The following RFTN1 variants were observed in gnomAD, a reference collection of about 807,000 sequenced individuals.
The protein encoded by RFTN1 is raftlin.
Under a neutral mutation model 46.5 loss-of-function variants are expected in RFTN1, and 26 were observed. The observed-to-expected ratio is 0.56, with a 90% CI of 0.41 to 0.78. RFTN1 has a LOEUF of 0.78. Ranked by LOEUF, RFTN1 falls within the 30% of genes least tolerant of loss-of-function variation. RFTN1 has a pLI of 0.00. For synonymous variants in RFTN1, 261 were observed against 284.2 expected (o/e 0.92, Z 0.82); for missense variants, 693 against 718.7 (o/e 0.96, Z 0.41).
At position 16,433,087 on chromosome 3, in the gene RFTN1, T is replaced by C. The variant is rs2125493564; in HGVS notation, c.332+764A>G. Among the ~76,000 whole-genome samples, 2 of 152,290 alleles carry C rather than the reference T, an allele frequency of 1.3e-5. No homozygotes were observed. The highest frequency in any genetic ancestry group is 2.1e-4 in the South Asian group (1 of 4,828). On this transcript the variant is annotated intron_variant, in intron 3 of 9. Coordinates refer to ENST00000334133, the MANE Select transcript of RFTN1 (RefSeq NM_015150.2). This position sits in a 1 kb window ranked among gnomAD's most constrained non-coding sequence, Gnocchi z 4.4. ...CTATGATAGTTGGCCAAAAGACAAATCTGATTTCCTTTCCCAGACTTCATT... is the reference window on the plus strand; with the variant it reads ...CTATGATAGTTGGCCAAAAGACAAACCTGATTTCCTTTCCCAGACTTCATT...
intron 2 of RFTN1, among the ~76,000 whole-genome samples, chr3:16,485,462 C>G (rs1052891611): frequency 2.0e-5 from 3 of 152,152 alleles, no homozygotes. Flanking sequence ...GGACTCCATA[C>G]ATACAACATC....
intron 2 of RFTN1, among the ~76,000 whole-genome samples, chr3:16,439,703 G>T (rs189786298): frequency 6.6e-6 from 1 of 152,256 alleles, no homozygotes; most frequent in East Asian, 1.9e-4. Flanking sequence ...GGAAGGAGAG[G>T]CTGGAAGATA....
At chr3:16,404,831 T>C (rs967565476) in intron 4 of RFTN1, among the ~76,000 whole-genome samples, 3 of 152,014 alleles carry the variant, frequency 2.0e-5, no homozygotes, top group Admixed American at 6.6e-5. Context: ...CTCGTGCCTC[T>C]CCTATGGAGG....
chr3:16,508,471 C>A (rs992415094), intron 1 of RFTN1, among the ~76,000 whole-genome samples: 1 of 152,184 alleles, frequency 6.6e-6, no homozygotes. Context: ...GTAAGTCACA[C>A]AATTGCATAT....
In RFTN1 at chr3:16,433,156, T is replaced by C. The variant is rs2075427844; in HGVS notation, c.332+695A>G. Among the ~76,000 whole-genome samples the C allele has an allele frequency of 1.3e-5, 2 of 148,222 alleles. No individual in the cohort carries two copies. Among genetic ancestry groups the C allele is most frequent in the African/African-American group, 5.1e-5 (2 of 39,486 alleles). ...AAAGCAGGAAAAACATACTGCTCTC[T>C]CCATCCCATCCTCACTGTTTTTTTT... On this transcript the variant is annotated intron_variant, in intron 3 of 9. Transcript: ENST00000334133. The surrounding 1 kb of genome is among the most constrained non-coding windows in gnomAD (Gnocchi z 4.4).
chr3:16,475,732 G>C lies in RFTN1; in HGVS notation c.145+17993C>G, dbSNP rs1025255623. On this transcript the variant is annotated intron_variant, in intron 2 of 9. Coordinates refer to ENST00000334133, the MANE Select transcript of RFTN1 (RefSeq NM_015150.2). The surrounding 1 kb of genome is among the most constrained non-coding windows in gnomAD (Gnocchi z 4.2). ...ATTGAGATCCCTAGGTTATTCCACC[G>C]GGTAATAAATAAACCTCTGCCACAG... is the stretch of plus-strand genomic sequence containing the variant. 6.6e-6 allele frequency among the ~76,000 whole-genome samples: 1 copy of C among 152,190 alleles called. No individual in the cohort carries two copies. The highest frequency in any genetic ancestry group is 1.5e-5 in the Non-Finnish European group (1 of 68,038).
At position 16,352,935 on chromosome 3, in the gene RFTN1, G is replaced by A. The variant is rs1575099959; in HGVS notation, c.1146+4997C>T. Reference sequence around the variant, plus strand: ...GTCTTGCCAACGTGCTGCACTGTCCGCACACTACATTTTCGTGTGTCCATG... The same window carrying A: ...GTCTTGCCAACGTGCTGCACTGTCCACACACTACATTTTCGTGTGTCCATG... On this transcript the variant is annotated intron_variant, in intron 7 of 9. Transcript: ENST00000334133. This position sits in a 1 kb window ranked among gnomAD's most constrained non-coding sequence, Gnocchi z 4.6. 1.3e-5 allele frequency among the ~76,000 whole-genome samples: 2 copies of A among 152,152 alleles called. No homozygotes were observed. Among genetic ancestry groups the A allele is most frequent in the Admixed American group, 6.5e-5 (1 of 15,280 alleles).
intron 7 of RFTN1, among the ~76,000 whole-genome samples, chr3:16,333,021 A>G (rs1295303134): frequency 6.6e-6 from 1 of 152,210 alleles, no homozygotes; most frequent in Admixed American, 6.5e-5. Flanking sequence ...ACCTTGTTTA[A>G]TAGATAGTGT....
chr3:16,457,608 A>C lies in RFTN1; in HGVS notation c.146-23571T>G, dbSNP rs1449831008. On this transcript the variant is annotated intron_variant, in intron 2 of 9. Coordinates refer to ENST00000334133, the MANE Select transcript of RFTN1 (RefSeq NM_015150.2). The surrounding 1 kb of genome is among the most constrained non-coding windows in gnomAD (Gnocchi z 4.2). ...TTAGTTCTGTAAATTTTAAGTAATA[A>C]AATTTTAGTTTTTTGTTTCGGTGCC... Among the ~76,000 whole-genome samples, 1 of 152,226 alleles carries C rather than the reference A, an allele frequency of 6.6e-6. No individual in the cohort carries two copies. The highest frequency in any genetic ancestry group is 1.5e-5 in the Non-Finnish European group (1 of 68,040).
chr3:16,352,307 AT>A lies in RFTN1; in HGVS notation c.1146+5624del, dbSNP rs1396920319. On this transcript the variant is annotated intron_variant, in intron 7 of 9. Transcript: ENST00000334133. The surrounding 1 kb of genome is among the most constrained non-coding windows in gnomAD (Gnocchi z 4.6). The stretch of plus-strand genomic sequence containing the variant: ...GCTCAGGTAGCACCTGGTGGTGTCT[AT>A]AAGCTCTGATGGGCTGTCAGGCTCA... Among the ~76,000 whole-genome samples the A allele has an allele frequency of 1.3e-5, 2 of 152,232 alleles. No homozygotes were observed. The highest frequency in any genetic ancestry group is 2.9e-5 in the Non-Finnish European group (2 of 68,040).
intron 4 of RFTN1, among the ~76,000 whole-genome samples, chr3:16,399,467 A>G (rs920396628): frequency 1.3e-5 from 2 of 152,200 alleles, no homozygotes; most frequent in African/African-American, 4.8e-5. Flanking sequence ...CATTAGTCTT[A>G]GGGGTTAGTG....
rs1470418089 is a variant in RFTN1, at chr3:16,410,622, A to G, written c.333-1139T>C. 6.6e-6 allele frequency among the ~76,000 whole-genome samples: 1 copy of G among 152,226 alleles called. No individual in the cohort carries two copies. Among genetic ancestry groups the G allele is most frequent in the Non-Finnish European group, 1.5e-5 (1 of 68,028 alleles). On this transcript the variant is annotated intron_variant, in intron 3 of 9. Transcript: ENST00000334133. This position sits in a 1 kb window ranked among gnomAD's most constrained non-coding sequence, Gnocchi z 4.6. Reference sequence around the variant, plus strand: ...ATTAAAGAAAGACTACTGAGCAACTAAAAGAAATTCTGGGAAAACAGCGTG... The same window carrying G: ...ATTAAAGAAAGACTACTGAGCAACTGAAAGAAATTCTGGGAAAACAGCGTG...
rs748503127 is a variant in RFTN1, at chr3:16,335,834, G to A, written c.1147-8958C>T. Among the ~76,000 whole-genome samples, 1 of 151,650 alleles carries A rather than the reference G, an allele frequency of 6.6e-6. No homozygotes were observed. The highest frequency in any genetic ancestry group is 2.1e-4 in the South Asian group (1 of 4,822). On this transcript the variant is annotated intron_variant, in intron 7 of 9. Coordinates refer to ENST00000334133, the MANE Select transcript of RFTN1 (RefSeq NM_015150.2). This position sits in a 1 kb window ranked among gnomAD's most constrained non-coding sequence, Gnocchi z 4.7. ...ACCATCAAATATCTCAAGAGGGCAA[G>A]TCACAAGGAGCCTGGAAACTGGATG...
rs548926207 is a variant in RFTN1 at position 16,335,236 on chromosome 3, T to C, written c.1147-8360A>G. On this transcript the variant is annotated intron_variant, in intron 7 of 9. Transcript: ENST00000334133. The surrounding 1 kb of genome is among the most constrained non-coding windows in gnomAD (Gnocchi z 4.7). ...ATAAACACTTGGAGGTGCTGACAGA[T>C]GCAGGGTAGGTGAAAACTCCTGGAG... Among the ~76,000 whole-genome samples the C allele has an allele frequency of 1.5e-4, 23 of 152,142 alleles. No homozygotes were observed. Among genetic ancestry groups the C allele is most frequent in the Non-Finnish European group, 2.8e-4 (19 of 68,020 alleles).
rs1371399276 is a variant in RFTN1 at position 16,320,674 on chromosome 3, A to G, written c.1332+2702T>C. Reference sequence around the variant, plus strand: ...TAAAAGGAGACAGCACTGTTCTGAGAAAAGGATGCTCGAGTAGAGCTAGAA... The same window carrying G: ...TAAAAGGAGACAGCACTGTTCTGAGGAAAGGATGCTCGAGTAGAGCTAGAA... On this transcript the variant is annotated intron_variant, in intron 9 of 9. Transcript: ENST00000334133. The surrounding 1 kb of genome is among the most constrained non-coding windows in gnomAD (Gnocchi z 4.5). Among the ~76,000 whole-genome samples, 3 of 152,226 alleles carry G rather than the reference A, an allele frequency of 2.0e-5. No individual in the cohort carries two copies. Among genetic ancestry groups the G allele is most frequent in the Non-Finnish European group, 2.9e-5 (2 of 68,042 alleles).
At chr3:16,403,604 A>T (rs1280247798) in intron 4 of RFTN1, among the ~76,000 whole-genome samples, 2 of 50,222 alleles carry the variant, frequency 4.0e-5, no homozygotes, top group Admixed American at 3.8e-4. Context: ...ATAATATATA[A>T]TATATATATA....
intron 6 of RFTN1, among the ~76,000 whole-genome samples, chr3:16,368,604 G>A (rs1291159742): frequency 6.7e-6 from 1 of 150,204 alleles, no homozygotes; most frequent in East Asian, 2.0e-4. Flanking sequence ...CTGGGAGGTG[G>A]AGCTTGCAGT....
At position 16,351,977 on chromosome 3, in the gene RFTN1, T is replaced by C. The variant is rs1465377482; in HGVS notation, c.1146+5955A>G. ...CATTGTAGCCAGCACACTTTGGGTGTGGTTTATATGAGAAAGATGAGGCAG... is the reference window on the plus strand; with the variant it reads ...CATTGTAGCCAGCACACTTTGGGTGCGGTTTATATGAGAAAGATGAGGCAG... On this transcript the variant is annotated intron_variant, in intron 7 of 9. Transcript: ENST00000334133. The surrounding 1 kb of genome is among the most constrained non-coding windows in gnomAD (Gnocchi z 5.4). Among the ~76,000 whole-genome samples, 1 of 152,188 alleles carries C rather than the reference T, an allele frequency of 6.6e-6. No homozygotes were observed. Among genetic ancestry groups the C allele is most frequent in the Non-Finnish European group, 1.5e-5 (1 of 68,036 alleles).
At position 16,385,689 on chromosome 3, in the gene RFTN1, G is replaced by A. The variant is rs1202014826; in HGVS notation, c.442-7587C>T. On this transcript the variant is annotated intron_variant, in intron 4 of 9. Transcript: ENST00000334133. The surrounding 1 kb of genome is among the most constrained non-coding windows in gnomAD (Gnocchi z 5.0). The stretch of plus-strand genomic sequence containing the variant: ...CCATTGCACAGAGTAGTTTGTCATA[G>A]TAGATGCATGCCCTGACCAGGAGGG... Among the ~76,000 whole-genome samples the A allele has an allele frequency of 6.6e-6, 1 of 152,172 alleles. No individual in the cohort carries two copies. Among genetic ancestry groups the A allele is most frequent in the Non-Finnish European group, 1.5e-5 (1 of 68,038 alleles).
Sources: gnomAD v4.1 joint callset for allele counts (sites outside exome capture counted in the v4.1 genomes callset) on GRCh38, gnomAD v4.1.1 for gene constraint, Gnocchi (gnomAD v3.1) non-coding constraint, MANE v1.5 for transcripts, NCBI Gene and HGNC (gene_info 2026-07-23, HGNC 2026-07-21) for gene names.